EPB41L1: variants seen among roughly 807,000 people sequenced by gnomAD.
EPB41L1 encodes the protein erythrocyte membrane protein band 4.1 like 1, also known as band 4.1-like protein 1.
A neutral mutation model predicts 97.8 loss-of-function variants in EPB41L1; 29 were observed. The ratio of observed to expected loss-of-function variants is 0.30; its 90% CI spans 0.22 to 0.40. The LOEUF (loss-of-function observed/expected upper bound fraction) is 0.40, where lower values mean the gene tolerates loss of function less well. Among genes scored for constraint, EPB41L1 ranks in the 10% least tolerant of loss-of-function variants. The pLI, the probability that EPB41L1 is intolerant of heterozygous loss-of-function variation, is 1.00. For synonymous variants in EPB41L1, 383 were observed against 459.2 expected (o/e 0.83, Z 2.12); for missense variants, 812 against 1,162.3 (o/e 0.70, Z 4.38).
At chr20:36,143,012 T>C (rs1600552785) in intron 2 of EPB41L1, among the ~76,000 whole-genome samples, 1 of 151,918 alleles carries the variant, frequency 6.6e-6, no homozygotes, top group South Asian at 2.1e-4. Context: ...TCTGACAGAG[T>C]GGAACTGCTC....
intron 1 of EPB41L1, chr20:36,155,259 A>G (rs567876265): frequency 6.7e-6 from 3 of 445,094 alleles, no homozygotes; most frequent in African/African-American, 6.0e-5. Context: ...CTGACGCTGC[A>G]GGAGGAGTTC....
chr20:36,202,868 G>A (rs1339650030), intron 14 of EPB41L1, among the ~76,000 whole-genome samples: 1 of 151,718 alleles, frequency 6.6e-6, no homozygotes, highest in African/African-American at 2.4e-5. Flanking sequence ...TCCAGGAGGG[G>A]CCTGAACAGC....
chr20:36,224,471 A>C (rs1049235778), intron 21 of EPB41L1, among the ~76,000 whole-genome samples: 1 of 152,094 alleles, frequency 6.6e-6, no homozygotes, highest in African/African-American at 2.4e-5. Context: ...AACGTGGTGA[A>C]ACCCTGTCTC....
rs533748989 is a variant in EPB41L1 at position 36,126,600 on chromosome 20, G to A, written c.-10+14120G>A. Among the ~76,000 whole-genome samples the A allele has an allele frequency of 5.3e-5, 8 of 152,114 alleles. No homozygotes were observed. The East Asian group carries it at 7.8e-4, about 15-fold the overall frequency. ...AGGCTGGTCTCAAACTCCCGACCTC[G>A]GATGATCCGCCCGCCTCGGCCTCCC... is the stretch of plus-strand genomic sequence containing the variant. On this transcript the variant is annotated intron_variant, in intron 2 of 19. Transcript: ENST00000202028.
Position 36,175,619 on chromosome 20 carries a change from G to A in EPB41L1, c.246G>A (p.Lys82=). The change falls in exon 3 of 22, where the codon AAG becomes AAA. Residue 82 remains lysine, a synonymous_variant. Coordinates refer to ENST00000338074, the MANE Select transcript of EPB41L1 (RefSeq NM_012156.2). ...TTTCGGAGAGGACCACGCCCAGCAAGGCCCAGAAATCGCCCCAGAAGATTG... is the reference window on the plus strand; with the variant it reads ...TTTCGGAGAGGACCACGCCCAGCAAAGCCCAGAAATCGCCCCAGAAGATTG... ...DGLSERTTPS[K]AQKSPQKIAK... is the part of the protein sequence containing the mutation. 1.9e-6 allele frequency: 3 copies of A among 1,614,222 alleles called. No homozygotes were observed. The South Asian group carries it at 3.3e-5, about 18-fold the overall frequency.
chr20:36,091,487 G>A (rs565197175), upstream of EPB41L1: 1 of 152,322 alleles, frequency 6.6e-6, no homozygotes, highest in Admixed American at 6.5e-5. Context: ...CCTGAGGCAT[G>A]GACCACAGTG....
intron 14 of EPB41L1, among the ~76,000 whole-genome samples, chr20:36,204,715 C>A (rs1163985035): frequency 6.6e-6 from 1 of 151,040 alleles, no homozygotes; most frequent in Non-Finnish European, 1.5e-5. Flanking sequence ...AGTCTCGGCT[C>A]ACTGCAACCT....
At chr20:36,199,016 C>T (rs528069156) in intron 14 of EPB41L1, among the ~76,000 whole-genome samples, 2 of 152,180 alleles carry the variant, frequency 1.3e-5, no homozygotes, top group African/African-American at 4.8e-5. Context: ...TATTGTTTCA[C>T]TTGAGAGTTC....
Position 36,222,407 on chromosome 20 carries a change from A to C in EPB41L1, c.2637+13A>C. 3 of 1,594,884 alleles carry C rather than the reference A, an allele frequency of 1.9e-6. No individual in the cohort carries two copies. Among genetic ancestry groups the C allele is most frequent in the South Asian group, 2.2e-5 (2 of 90,672 alleles). On this transcript the variant is annotated intron_variant, in intron 21 of 21. Coordinates refer to ENST00000338074, the MANE Select transcript of EPB41L1 (RefSeq NM_012156.2). ...CAAGAAGCCACAGGTAAGGCTCCTG[A>C]GGCCCAGCAACCATGAGAGAGAGGA...
In EPB41L1 at chr20:36,134,998, G is replaced by A. The variant is rs567337502; in HGVS notation, c.-10+22518G>A. ...CCTGCCTCAGCCTCCCGAGTAGCTGGGATTACAGGTGCATGCGACCACATC... is the reference window on the plus strand; with the variant it reads ...CCTGCCTCAGCCTCCCGAGTAGCTGAGATTACAGGTGCATGCGACCACATC... On this transcript the variant is annotated intron_variant, in intron 2 of 19. Coordinates refer to the EPB41L1 transcript ENST00000202028. 5.3e-5 allele frequency among the ~76,000 whole-genome samples: 8 copies of A among 151,800 alleles called. No homozygotes were observed. In the East Asian group the frequency reaches 1.6e-3, roughly 30 times the overall value.
At chr20:36,159,936 C>T (rs772326233) in intron 1 of EPB41L1, among the ~76,000 whole-genome samples, 5 of 152,116 alleles carry the variant, frequency 3.3e-5, no homozygotes, top group Non-Finnish European at 7.4e-5. Flanking sequence ...TTAGGGTTGT[C>T]ATCAAGATTG....
intron 11 of EPB41L1, among the ~76,000 whole-genome samples, chr20:36,193,249 C>G (rs935657409): frequency 2.6e-5 from 4 of 152,146 alleles, no homozygotes; most frequent in African/African-American, 9.7e-5. Context: ...CAAAAGGTCA[C>G]CAGTGGGATA....
In EPB41L1 at chr20:36,190,767, C is replaced by T. The variant is rs766616507; in HGVS notation, c.1270C>T (p.Arg424Trp). ...CTTCTTTGAGCGTTCTTCCAGCAAA[C>T]GGTACACCATGTCCCGCAGCCTTGA... Reference protein sequence around the residue: ...APFFERSSSKRYTMSRSLDGA... With the variant: ...APFFERSSSKWYTMSRSLDGA... The change falls in exon 11 of 22, where the codon CGG (arginine) becomes TGG (tryptophan). Residue 424 changes from arginine to tryptophan, a missense_variant. By Grantham distance (101) the Arg-to-Trp change is moderately radical. This residue lies in a region of EPB41L1 where 498 missense variants were observed against 622.7 expected (regional missense o/e 0.80). Transcript: ENST00000338074. This position sits in a 1 kb window ranked among gnomAD's most constrained non-coding sequence, Gnocchi z 5.8. 9 of 1,614,000 alleles carry T rather than the reference C, an allele frequency of 5.6e-6. No individual in the cohort carries two copies. Among genetic ancestry groups the T allele is most frequent in the South Asian group, 3.3e-5 (3 of 91,088 alleles).
At chr20:36,129,202 A>G (rs745343393) in intron 2 of EPB41L1, among the ~76,000 whole-genome samples, 79 of 152,166 alleles carry the variant, frequency 5.2e-4, no homozygotes, top group Non-Finnish European at 8.7e-4. Context: ...GTGGAAACAC[A>G]GGTGGTAGAA....
intron 2 of EPB41L1, among the ~76,000 whole-genome samples, chr20:36,125,013 T>C (rs2058905256): frequency 6.6e-6 from 1 of 152,156 alleles, no homozygotes; most frequent in African/African-American, 2.4e-5. Flanking sequence ...GCCAAAGAGT[T>C]TAGACTTCCT....
chr20:36,173,715 T>C, intron 1 of EPB41L1, 49 bp from the exon 2 acceptor site: 1 of 1,564,706 alleles, frequency 6.4e-7, no homozygotes. Flanking sequence ...CTCGCTGTCA[T>C]ACCATTGCTG....
Position 36,232,758 on chromosome 20 carries a change from A to G in EPB41L1, c.*3418A>G, listed in dbSNP as rs1436316149. On this transcript the variant is annotated 3_prime_UTR_variant, in exon 22 of 22. Coordinates refer to ENST00000338074, the MANE Select transcript of EPB41L1 (RefSeq NM_012156.2). The stretch of plus-strand genomic sequence containing the variant: ...ATGCGTGTGCTCTCTGTTCTTGTAT[A>G]CTCAATATAAGTGAAATAAATGTGT... 6 of 397,366 alleles carry G rather than the reference A, an allele frequency of 1.5e-5. No individual in the cohort carries two copies. Among genetic ancestry groups the G allele is most frequent in the Non-Finnish European group, 2.2e-5 (5 of 225,922 alleles). The allele number at this position is 397,366 out of a possible 1,614,324, so 24.6% of individuals were successfully genotyped here.
chr20:36,192,455 G>A (rs1047921490), intron 11 of EPB41L1, among the ~76,000 whole-genome samples: 10 of 150,898 alleles, frequency 6.6e-5, no homozygotes, highest in Admixed American at 1.3e-4. Flanking sequence ...ACTTGAACCC[G>A]GGAGATGAAG....
chr20:36,205,993 G>A (rs755510389), intron 14 of EPB41L1: 23 of 1,289,780 alleles, frequency 1.8e-5, no homozygotes, highest in Non-Finnish European at 2.0e-5. Context: ...CAAGGTAGAC[G>A]TTCTGGTGGA....
Sources: gnomAD v4.1 joint callset for allele counts (sites outside exome capture counted in the v4.1 genomes callset) on GRCh38, gnomAD v4.1.1 for gene constraint, gnomAD v4.1.1 regional missense constraint, Gnocchi (gnomAD v3.1) non-coding constraint, MANE v1.5 for transcripts, NCBI Gene and HGNC (gene_info 2026-07-23, HGNC 2026-07-21) for gene names.